The following GALNT17 variants were observed in gnomAD, a reference collection of about 807,000 sequenced individuals.
The protein encoded by GALNT17 is polypeptide N-acetylgalactosaminyltransferase 17.
A neutral mutation model predicts 63.7 loss-of-function variants in GALNT17; 29 were observed. The ratio of observed to expected loss-of-function variants is 0.46; its 90% CI spans 0.34 to 0.62. The LOEUF is 0.62. Among genes scored for constraint, GALNT17 ranks in the 20% least tolerant of loss-of-function variants. The pLI is 0.01. For missense variants in GALNT17, 603 were observed against 799.6 expected, an observed-to-expected ratio of 0.75 and a Z score of 2.97; for synonymous variants, 305 against 318.3, an observed-to-expected ratio of 0.96 and a Z score of 0.45.
intron 5 of GALNT17, among the ~76,000 whole-genome samples, chr7:71,566,884 C>T (rs1402165000): frequency 6.6e-6 from 1 of 152,090 alleles, no homozygotes; most frequent in Non-Finnish European, 1.5e-5. Context: ...TGGCCAGTCA[C>T]CCCCACGTCC....
chr7:71,509,696 T>C (rs1344765838), intron 5 of GALNT17, among the ~76,000 whole-genome samples: 2 of 152,100 alleles, frequency 1.3e-5, no homozygotes, highest in East Asian at 1.9e-4. Flanking sequence ...TGCAATTCCT[T>C]TGGGAGCTGA....
At chr7:71,256,936 T>C (rs566466670) in intron 1 of GALNT17, among the ~76,000 whole-genome samples, 2 of 152,222 alleles carry the variant, frequency 1.3e-5, no homozygotes, top group Non-Finnish European at 2.9e-5. Flanking sequence ...TAGAGAACAT[T>C]TTTGAGCAGG....
chr7:71,540,284 T>C (rs1440835744), intron 5 of GALNT17, among the ~76,000 whole-genome samples: 1 of 151,242 alleles, frequency 6.6e-6, no homozygotes, highest in Non-Finnish European at 1.5e-5. Context: ...GCCCGGCTAA[T>C]TTTTGTATTT....
chr7:71,353,427 A>G (rs1434088282), intron 2 of GALNT17, among the ~76,000 whole-genome samples: 1 of 152,180 alleles, frequency 6.6e-6, no homozygotes, highest in African/African-American at 2.4e-5. Flanking sequence ...TGTCTCAATA[A>G]TGTCCTTTAC....
intron 6 of GALNT17, among the ~76,000 whole-genome samples, chr7:71,572,963 A>G (rs944639173): frequency 1.3e-5 from 2 of 151,838 alleles, no homozygotes; most frequent in African/African-American, 4.8e-5. Flanking sequence ...GATCATGTAG[A>G]TTCTCCCTTC....
intron 1 of GALNT17, among the ~76,000 whole-genome samples, chr7:71,296,629 C>CTA (rs10565164): frequency 2.0e-4 from 29 of 148,414 alleles, no homozygotes; most frequent in Middle Eastern, 3.6e-3. Flanking sequence ...AAAAAAACAA[C>CTA]TATATATATA....
intron 1 of GALNT17, among the ~76,000 whole-genome samples, chr7:71,304,288 C>T (rs953774194): frequency 3.9e-5 from 6 of 152,138 alleles, no homozygotes; most frequent in East Asian, 1.9e-4. Flanking sequence ...TGTATATATT[C>T]GACAGACGCT....
intron 6 of GALNT17, among the ~76,000 whole-genome samples, chr7:71,639,826 C>A (rs1299953726): frequency 6.6e-6 from 1 of 152,130 alleles, no homozygotes; most frequent in African/African-American, 2.4e-5. Flanking sequence ...CTGTTGGAAC[C>A]TTTAGGTAAT....
At chr7:71,708,006 C>T (rs1309975690) in intron 9 of GALNT17, among the ~76,000 whole-genome samples, 1 of 152,208 alleles carries the variant, frequency 6.6e-6, no homozygotes, top group Non-Finnish European at 1.5e-5. Context: ...CTACCACAAT[C>T]ATCCAGCATT....
chr7:71,605,829 C>G (rs1790038324), intron 6 of GALNT17, among the ~76,000 whole-genome samples: 1 of 152,120 alleles, frequency 6.6e-6, no homozygotes, highest in Non-Finnish European at 1.5e-5. Context: ...CTAGCCCTAA[C>G]CCGAATCTAC....
At chr7:71,661,703 G>A (rs1790909645) in intron 6 of GALNT17, among the ~76,000 whole-genome samples, 2 of 152,130 alleles carry the variant, frequency 1.3e-5, no homozygotes. Context: ...GTTCACCCTG[G>A]GCTTGCTGGA....
At position 71,377,095 on chromosome 7, in the gene GALNT17, A is replaced by T. The variant is rs180946508; in HGVS notation, c.423-11140A>T. On this transcript the variant is annotated intron_variant, in intron 2 of 10. Coordinates refer to ENST00000333538, the MANE Select transcript of GALNT17 (RefSeq NM_022479.3). ...AGCGATATTCCATCTCAAAAAAAAA[A>T]AAAAATAAAAATAAAAAAAATATAT... Among the ~76,000 whole-genome samples the T allele has an allele frequency of 6.6e-3, 438 of 66,534 alleles. 40 individuals are homozygous for T. The highest frequency in any genetic ancestry group is 0.021 in the Middle Eastern group (3 of 140). The allele number at this position is 66,534 out of a possible 152,430, so 43.6% of individuals were successfully genotyped here. A position where few individuals can be genotyped will look rare whatever the true frequency, so the allele number is the denominator to read the frequency against.
At chr7:71,365,870 A>G (rs1274935064) in intron 2 of GALNT17, among the ~76,000 whole-genome samples, 1 of 151,964 alleles carries the variant, frequency 6.6e-6, no homozygotes, top group Non-Finnish European at 1.5e-5. Context: ...ACTTGTTTCT[A>G]TTATTATTAC....
At chr7:71,676,149 T>C (rs1248084429) in intron 8 of GALNT17, among the ~76,000 whole-genome samples, 3 of 152,068 alleles carry the variant, frequency 2.0e-5, no homozygotes, top group African/African-American at 4.8e-5. Flanking sequence ...TGGATACCCA[T>C]ATAGATCACA....
chr7:71,500,994 G>A (rs1203885014), intron 5 of GALNT17, among the ~76,000 whole-genome samples: 2 of 151,974 alleles, frequency 1.3e-5, no homozygotes, highest in East Asian at 3.9e-4. Flanking sequence ...TTTTGAGACA[G>A]ATTCTTACTC....
chr7:71,351,526 A>T (rs1026597250), intron 2 of GALNT17, among the ~76,000 whole-genome samples: 3 of 151,942 alleles, frequency 2.0e-5, no homozygotes, highest in African/African-American at 7.3e-5. Context: ...TTGGTATCTT[A>T]AGAGGAGAAA....
intron 1 of GALNT17, among the ~76,000 whole-genome samples, chr7:71,265,028 C>T (rs908701817): frequency 8.2e-5 from 12 of 146,738 alleles, no homozygotes; most frequent in African/African-American, 3.0e-4. Context: ...GTGATGGACA[C>T]CCCAAAACCC....
chr7:71,300,732 C>G (rs553341180), intron 1 of GALNT17: 28 of 246,698 alleles, frequency 1.1e-4, no homozygotes, highest in African/African-American at 5.8e-4. Flanking sequence ...AACACGCCTC[C>G]CATCACTGCG....
intron 1 of GALNT17, among the ~76,000 whole-genome samples, chr7:71,143,131 G>A (rs1326460563): frequency 1.3e-5 from 2 of 150,712 alleles, no homozygotes; most frequent in African/African-American, 4.9e-5. Flanking sequence ...AGAAGAAATG[G>A]ATGCTCTTGG....
Sources: gnomAD v4.1 joint callset for allele counts (sites outside exome capture counted in the v4.1 genomes callset) on GRCh38, gnomAD v4.1.1 for gene constraint, MANE v1.5 for transcripts, NCBI Gene and HGNC (gene_info 2026-07-23, HGNC 2026-07-21) for gene names.